ITGA6: variants seen among roughly 807,000 people sequenced by gnomAD.
The protein encoded by ITGA6 is integrin subunit alpha 6.
ITGA6 carries 63 observed loss-of-function variants against 133.6 expected under a neutral mutation model. That is an observed-to-expected ratio of 0.47 (90% CI 0.38 to 0.58). The LOEUF is 0.58. Among genes scored for constraint, ITGA6 ranks in the 20% least tolerant of loss-of-function variants. ITGA6 has a pLI of 0.00. For synonymous variants in ITGA6, 434 were observed against 482.0 expected (o/e 0.90, Z 1.30); for missense variants, 1,068 against 1,309.4 (o/e 0.82, Z 2.85).
At chr2:172,436,483 A>G (rs1399672621) in intron 1 of ITGA6, among the ~76,000 whole-genome samples, 1 of 152,202 alleles carries the variant, frequency 6.6e-6, no homozygotes, top group Non-Finnish European at 1.5e-5. Flanking sequence ...TCTGGGAGGT[A>G]AGCTCTGAGA....
Position 172,487,460 on chromosome 2 carries a change from A to G in ITGA6, c.2160+7A>G. 1.9e-6 allele frequency: 3 copies of G among 1,613,240 alleles called. No homozygotes were observed. The highest frequency in any genetic ancestry group is 1.1e-5 in the South Asian group (1 of 91,070). Reference sequence around the variant, plus strand: ...AGAACTGAGGGCTTTCCCTGTAAGTATTGTTAGAGACCAGCTGAGAGGGGA... The same window carrying G: ...AGAACTGAGGGCTTTCCCTGTAAGTGTTGTTAGAGACCAGCTGAGAGGGGA... On this transcript the variant is annotated splice_region_variant and intron_variant, in intron 15 of 25. Coordinates refer to ENST00000684293, the MANE Select transcript of ITGA6 (RefSeq NM_000210.4).
At chr2:172,438,269 G>A (rs61318391) in intron 1 of ITGA6, among the ~76,000 whole-genome samples, 3,651 of 151,848 alleles carry the variant, frequency 0.024, 137 homozygotes, top group African/African-American at 0.082. Flanking sequence ...GTGAGAGGAC[G>A]TACCGTGGGG....
chr2:172,467,668 C>T, intron 3 of ITGA6, 108 bp downstream of exon 3: 2 of 863,350 alleles, frequency 2.3e-6, no homozygotes, highest in Non-Finnish European at 3.8e-6. Context: ...AGCGAACTTA[C>T]TGCTTTAAAG....
At chr2:172,452,569 G>A (rs1265263671) in intron 1 of ITGA6, among the ~76,000 whole-genome samples, 1 of 152,132 alleles carries the variant, frequency 6.6e-6, no homozygotes, top group East Asian at 1.9e-4. Flanking sequence ...ATAGGAATAG[G>A]GTGATTCTCC....
intron 1 of ITGA6, among the ~76,000 whole-genome samples, chr2:172,439,946 A>G (rs115157578): frequency 0.029 from 4,383 of 152,314 alleles, 89 homozygotes; most frequent in Middle Eastern, 0.068. Flanking sequence ...TGTCCCCTAC[A>G]TAGTGGGCTG....
At chr2:172,482,349 T>C (rs1559145248) in intron 11 of ITGA6, among the ~76,000 whole-genome samples, 1 of 152,188 alleles carries the variant, frequency 6.6e-6, no homozygotes, top group South Asian at 2.1e-4. Flanking sequence ...AGTTAATACA[T>C]CTAAAATCTT....
chr2:172,472,754 C>T (rs751496079), intron 5 of ITGA6: 14 of 1,464,472 alleles, frequency 9.6e-6, no homozygotes, highest in African/African-American at 5.6e-5. Context: ...CAATTTCTTC[C>T]GTCCCGTGCA....
intron 1 of ITGA6, among the ~76,000 whole-genome samples, chr2:172,441,952 C>T (rs1029408996): frequency 6.6e-6 from 1 of 152,162 alleles, no homozygotes; most frequent in African/African-American, 2.4e-5. Flanking sequence ...TATAAAATGC[C>T]ACCAGAAGCT....
At chr2:172,458,801 C>T (rs1685315068) in intron 1 of ITGA6, among the ~76,000 whole-genome samples, 1 of 152,152 alleles carries the variant, frequency 6.6e-6, no homozygotes, top group African/African-American at 2.4e-5. Flanking sequence ...ACACAAAGAA[C>T]TGTAGGAAAA....
rs193236224 is a variant in ITGA6, at chr2:172,466,098, G to A, written c.307+435G>A. On this transcript the variant is annotated intron_variant, in intron 2 of 25. Coordinates refer to ENST00000684293, the MANE Select transcript of ITGA6 (RefSeq NM_000210.4). ...ATGAGAGCTGGCTAACAGAGATAAAGTTTTCCCTCCTGTCTCAGATAGAGA... is the reference window on the plus strand; with the variant it reads ...ATGAGAGCTGGCTAACAGAGATAAAATTTTCCCTCCTGTCTCAGATAGAGA... 136 of 275,222 alleles carry A rather than the reference G, an allele frequency of 4.9e-4. 1 individual carries two copies. The highest frequency in any genetic ancestry group is 2.7e-3 in the African/African-American group (122 of 44,926). 17.0% of individuals were successfully genotyped at this position (275,222 alleles called of 1,614,324 possible).
Position 172,488,015 on chromosome 2 carries a change from T to C in ITGA6, c.2379T>C (p.Ile793=). The C allele has an allele frequency of 6.2e-7, 1 of 1,614,030 alleles. No individual in the cohort carries two copies. The highest frequency in any genetic ancestry group is 8.5e-7 in the Non-Finnish European group (1 of 1,179,888). ...APITAKAKVV[I]ELLLSVSGVA... is the part of the protein sequence containing the mutation. ...TTACAGCTAAAGCAAAAGTGGTTAT[T>C]GAACTGCTTTTATCGGTCTCGGGGT... is the stretch of plus-strand genomic sequence containing the variant. Residue 793 remains isoleucine, a synonymous_variant, in exon 18 of 26, where the codon ATT becomes ATC. Transcript: ENST00000684293.
At chr2:172,474,401 CTT>C in intron 6 of ITGA6, 136 bp downstream of exon 6, 1 of 761,482 alleles carries the variant, frequency 1.3e-6, no homozygotes, top group East Asian at 2.7e-5. Context: ...ACCAGCCTAT[CTT>C]TATCATTTCT....
chr2:172,462,613 C>T (rs540889869), intron 1 of ITGA6, among the ~76,000 whole-genome samples: 11 of 152,282 alleles, frequency 7.2e-5, no homozygotes, highest in African/African-American at 2.6e-4. Context: ...CCAACAAATT[C>T]GAGTTAAATG....
intron 1 of ITGA6, among the ~76,000 whole-genome samples, chr2:172,431,495 C>T (rs1451616662): frequency 2.0e-5 from 3 of 152,164 alleles, no homozygotes; most frequent in Admixed American, 2.0e-4. Context: ...GACTCTATTC[C>T]AGCTGGCCTT....
At chr2:172,497,819 C>T (rs1687191362) in intron 23 of ITGA6, among the ~76,000 whole-genome samples, 156 bp from the exon 24 acceptor site, 1 of 152,152 alleles carries the variant, frequency 6.6e-6, no homozygotes, top group Non-Finnish European at 1.5e-5. Context: ...AAGCAATATT[C>T]TGTTAAGAGA....
intron 23 of ITGA6, among the ~76,000 whole-genome samples, chr2:172,493,990 G>T (rs1313152229): frequency 6.6e-6 from 1 of 152,060 alleles, no homozygotes; most frequent in Non-Finnish European, 1.5e-5. Context: ...ATGGGTTACT[G>T]GTCTCATATC....
intron 24 of ITGA6, among the ~76,000 whole-genome samples, chr2:172,500,874 A>G (rs897256033): frequency 1.6e-4 from 25 of 152,194 alleles, no homozygotes; most frequent in Non-Finnish European, 3.5e-4. Flanking sequence ...AATTTAAATT[A>G]ATTTCAATCT....
rs16860433 is a variant in ITGA6, at chr2:172,455,881, T to A, written c.183-9658T>A. On this transcript the variant is annotated intron_variant, in intron 1 of 25. Coordinates refer to ENST00000684293, the MANE Select transcript of ITGA6 (RefSeq NM_000210.4). ...AGCCTGATATGAGGTGTTAGTCTGG[T>A]AGATTGACTTCTTGTTTAAAGGGAG... is the stretch of plus-strand genomic sequence containing the variant. Among the ~76,000 whole-genome samples the A allele has an allele frequency of 5.3e-3, 810 of 152,290 alleles. 6 individuals are homozygous for A. The highest frequency in any genetic ancestry group is 0.019 in the African/African-American group (776 of 41,560).
chr2:172,494,281 C>T (rs540666200), intron 23 of ITGA6, among the ~76,000 whole-genome samples: 42 of 152,228 alleles, frequency 2.8e-4, no homozygotes, highest in African/African-American at 8.2e-4. Context: ...CCAAGGCAGG[C>T]GGATTGCTTG....
Sources: allele counts gnomAD v4.1 joint callset (sites outside exome capture counted in the v4.1 genomes callset), GRCh38; gene constraint gnomAD v4.1.1; transcripts MANE v1.5; gene names NCBI Gene and HGNC (gene_info 2026-07-23, HGNC 2026-07-21).